Variants in ATRNL1 observed in about 807,000 individuals in gnomAD.
ATRNL1 encodes the protein attractin-like protein 1.
Under a neutral mutation model 182.7 loss-of-function variants are expected in ATRNL1, and 95 were observed. The observed-to-expected ratio is 0.52, with a 90% confidence interval of 0.44 to 0.62. The LOEUF is 0.62. Ranked by LOEUF, ATRNL1 falls within the 20% of genes least tolerant of loss-of-function variation. The pLI is 0.00. For missense variants in ATRNL1, 1,471 were observed against 1,679.5 expected (o/e 0.88, Z 2.17); for synonymous variants, 576 against 568.3 (o/e 1.01, Z -0.19).
chr10:115,287,448 T>C (rs116829579), intron 15 of ATRNL1, among the ~76,000 whole-genome samples: 1,782 of 152,176 alleles, frequency 0.012, 32 homozygotes, highest in African/African-American at 0.04. Flanking sequence ...ATTTAGACAA[T>C]GAATTTTTAG....
intron 26 of ATRNL1, among the ~76,000 whole-genome samples, chr10:115,661,743 A>C (rs1381339180): frequency 6.6e-6 from 1 of 151,930 alleles, no homozygotes; most frequent in African/African-American, 2.4e-5. Context: ...GACATATGCT[A>C]TGGAGCTTGG....
intron 26 of ATRNL1, among the ~76,000 whole-genome samples, chr10:115,650,332 G>A (rs1321025958): frequency 2.0e-5 from 3 of 151,692 alleles, no homozygotes; most frequent in African/African-American, 7.3e-5. Flanking sequence ...TTGAGATGCT[G>A]TTTTTTCAAA....
At chr10:115,527,995 TC>T (rs1180411538) in intron 25 of ATRNL1, among the ~76,000 whole-genome samples, 12 of 19,674 alleles carry the variant, frequency 6.1e-4, no homozygotes, top group African/African-American at 6.9e-4. Flanking sequence ...CCTCCCTCCC[TC>T]CCTTCCTTCC....
At chr10:115,879,916 G>C (rs534058289) in intron 28 of ATRNL1, among the ~76,000 whole-genome samples, 1 of 152,054 alleles carries the variant, frequency 6.6e-6, no homozygotes, top group Admixed American at 6.5e-5. Context: ...TGGGGTCAGG[G>C]TGGGGCAGTA....
intron 8 of ATRNL1, among the ~76,000 whole-genome samples, chr10:115,172,265 A>G (rs1365103728): frequency 1.3e-5 from 2 of 151,842 alleles, no homozygotes; most frequent in Non-Finnish European, 1.5e-5. Context: ...TTTCCACTCT[A>G]TTCTCAATTC....
chr10:115,769,560 C>T (rs782420353), intron 27 of ATRNL1, among the ~76,000 whole-genome samples: 12 of 152,068 alleles, frequency 7.9e-5, no homozygotes, highest in African/African-American at 2.4e-4. Flanking sequence ...TGGCACATAG[C>T]GCTCAGTACA....
intron 27 of ATRNL1, among the ~76,000 whole-genome samples, chr10:115,779,358 C>G (rs1949206880): frequency 6.6e-6 from 1 of 152,184 alleles, no homozygotes; most frequent in Non-Finnish European, 1.5e-5. Context: ...TGCTCTAGGT[C>G]AGCGAGTCAT....
At position 115,334,271 on chromosome 10, in the gene ATRNL1, G is replaced by T; in HGVS notation, c.3038-11G>T. 1.3e-6 allele frequency: 2 copies of T among 1,493,442 alleles called. No individual in the cohort carries two copies. The highest frequency in any genetic ancestry group is 1.4e-5 in the African/African-American group (1 of 72,324). 92.5% of individuals were successfully genotyped at this position (1,493,442 alleles called of 1,614,324 possible). A position where few individuals can be genotyped will look rare whatever the true frequency, so the allele number is the denominator to read the frequency against. The stretch of plus-strand genomic sequence containing the variant: ...TTAGATATTTGTAATGCTTTTTACT[G>T]TTTCCTTTAGCTTGCCAGTGTAATG... On this transcript the variant is annotated splice_polypyrimidine_tract_variant and intron_variant, in intron 18 of 28. Coordinates refer to ENST00000355044, the MANE Select transcript of ATRNL1 (RefSeq NM_207303.4).
At chr10:115,935,628 C>A (rs557946738) in intron 28 of ATRNL1, among the ~76,000 whole-genome samples, 1 of 152,178 alleles carries the variant, frequency 6.6e-6, no homozygotes, top group African/African-American at 2.4e-5. Flanking sequence ...GTCATTTAAC[C>A]GCTCCGTGCC....
intron 24 of ATRNL1, among the ~76,000 whole-genome samples, chr10:115,492,935 G>A (rs1285992665): frequency 7.9e-5 from 12 of 151,924 alleles, no homozygotes; most frequent in East Asian, 3.8e-4. Context: ...GAGTCACCGC[G>A]CCTGGCCTTA....
rs1040593358 is a variant in ATRNL1, at chr10:115,548,346, C to G, written c.3717-1112C>G. 2.6e-5 allele frequency among the ~76,000 whole-genome samples: 4 copies of G among 152,264 alleles called. No individual in the cohort carries two copies. The South Asian group carries it at 6.2e-4, about 24-fold the overall frequency. On this transcript the variant is annotated intron_variant, in intron 25 of 28. Coordinates refer to ENST00000355044, the MANE Select transcript of ATRNL1 (RefSeq NM_207303.4). ...CTAAGGTCTTCTGCTTCAAATGAGG[C>G]ATAGGCAAGGAGAAAAAATATATTG...
At chr10:115,515,575 A>C in intron 24 of ATRNL1, among the ~76,000 whole-genome samples, 1 of 151,782 alleles carries the variant, frequency 6.6e-6, no homozygotes, top group Non-Finnish European at 1.5e-5. Flanking sequence ...TCTCTGTACA[A>C]TGTTTATTGT....
intron 28 of ATRNL1, among the ~76,000 whole-genome samples, chr10:115,901,970 G>A (rs183054822): frequency 1.0e-3 from 155 of 152,034 alleles, no homozygotes; most frequent in Admixed American, 4.1e-3. Flanking sequence ...CACCTTATAG[G>A]GCGCAAAATG....
At chr10:115,851,973 C>A (rs1951067466) in intron 28 of ATRNL1, among the ~76,000 whole-genome samples, 1 of 152,096 alleles carries the variant, frequency 6.6e-6, no homozygotes, top group African/African-American at 2.4e-5. Flanking sequence ...GTTTTAGAGG[C>A]ACATTAAGAT....
intron 22 of ATRNL1, among the ~76,000 whole-genome samples, chr10:115,466,906 A>C (rs1299081129): frequency 1.3e-5 from 2 of 151,112 alleles, no homozygotes; most frequent in East Asian, 3.9e-4. Flanking sequence ...ATCCAAATAA[A>C]AATATTAAAT....
intron 28 of ATRNL1, among the ~76,000 whole-genome samples, chr10:115,923,105 C>G (rs112554765): frequency 0.012 from 1,782 of 152,230 alleles, 15 homozygotes; most frequent in Middle Eastern, 0.024. Context: ...CAAGCCTTAG[C>G]TGAAGGATTG....
chr10:115,849,190 T>A (rs1196892572), intron 28 of ATRNL1, among the ~76,000 whole-genome samples: 3 of 152,222 alleles, frequency 2.0e-5, no homozygotes, highest in Non-Finnish European at 4.4e-5. Context: ...TATGGATGTT[T>A]ATTCAAAGAA....
chr10:115,816,564 C>T (rs1474563146), intron 27 of ATRNL1, among the ~76,000 whole-genome samples: 2 of 151,708 alleles, frequency 1.3e-5, no homozygotes, highest in African/African-American at 2.4e-5. Context: ...TACAGAAGGA[C>T]GTGAAGAAGA....
intron 20 of ATRNL1, among the ~76,000 whole-genome samples, chr10:115,424,280 A>G (rs1389292542): frequency 6.6e-6 from 1 of 152,182 alleles, no homozygotes; most frequent in Non-Finnish European, 1.5e-5. Context: ...CAAAAAAATA[A>G]CAAATACTGG....
Sources: gnomAD v4.1 joint callset for allele counts (sites outside exome capture counted in the v4.1 genomes callset) on GRCh38, gnomAD v4.1.1 for gene constraint, MANE v1.5 for transcripts, NCBI Gene and HGNC (gene_info 2026-07-23, HGNC 2026-07-21) for gene names.